Variants in XPO4 observed in about 807,000 individuals in gnomAD.
XPO4 encodes the protein exportin-4.
XPO4 carries 39 observed loss-of-function variants against 143.0 expected under a neutral mutation model. That is an observed-to-expected ratio of 0.27 (90% CI 0.21 to 0.36). The LOEUF (loss-of-function observed/expected upper bound fraction) is 0.36, where lower values mean the gene tolerates loss of function less well. Ranked by LOEUF, XPO4 falls within the 10% of genes least tolerant of loss-of-function variation. The pLI is 1.00. For missense variants in XPO4, 907 were observed against 1,348.0 expected (o/e 0.67, Z 5.12); for synonymous variants, 439 against 474.0 (o/e 0.93, Z 0.96).
chr13:20,787,196 T>TAA, intron 21 of XPO4, 139 bp from the exon 22 acceptor site: 1 of 787,198 alleles, frequency 1.3e-6, no homozygotes, highest in Non-Finnish European at 2.0e-6. Context: ...CTTAATGTTT[T>TAA]AAAAAAAATA....
chr13:20,848,103 A>G, intron 4 of XPO4: 1 of 418,594 alleles, frequency 2.4e-6, no homozygotes, highest in South Asian at 1.0e-4. Context: ...AGCTTTTCTC[A>G]ATCATCCTTT....
At chr13:20,851,723 AAAAAAAAG>A (rs1345613524) in intron 4 of XPO4, 38 of 942,926 alleles carry the variant, frequency 4.0e-5, no homozygotes, top group East Asian at 1.2e-4. Context: ...AAAAAAAAAA[AAAAAAAAG>A]AAAGAAAGAA....
At position 20,787,474 on chromosome 13, in the gene XPO4, A is replaced by G; in HGVS notation, c.3165+7T>C. On this transcript the variant is annotated splice_region_variant and intron_variant, in intron 21 of 22. Transcript: ENST00000255305. The stretch of plus-strand genomic sequence containing the variant: ...TGATTTTCTGACCTACCGCACAGAC[A>G]TCTTACCTTAAGAAAGTGCCGTGTT... 6.2e-7 allele frequency: 1 copy of G among 1,613,620 alleles called. No homozygotes were observed. The highest frequency in any genetic ancestry group is 1.1e-5 in the South Asian group (1 of 91,080).
intron 20 of XPO4, among the ~76,000 whole-genome samples, chr13:20,788,254 A>C (rs987128124): frequency 3.9e-5 from 6 of 151,974 alleles, no homozygotes; most frequent in Non-Finnish European, 8.8e-5. Context: ...ACAGGGTTTC[A>C]CTGTGTTGGC....
chr13:20,808,520 G>A lies in XPO4; in HGVS notation c.1555C>T (p.Leu519Phe). ...ACAGTGCTTGAACCCGGTGAAGCAA[G>A]TAACTGTTGCTGATGTCGTTGTAAC... ...GQLQRHQQQL[L>F]ASPGSSTVDN... Residue 519 changes from leucine to phenylalanine, a missense_variant, in exon 12 of 23, where the codon CTT (leucine) becomes TTT (phenylalanine). Leu to Phe is a conservative substitution (Grantham distance 22, BLOSUM62 0). Coordinates refer to ENST00000255305, the MANE Select transcript of XPO4 (RefSeq NM_022459.5). The A allele has an allele frequency of 1.3e-6, 2 of 1,577,022 alleles. No homozygotes were observed. The highest frequency in any genetic ancestry group is 1.2e-5 in the South Asian group (1 of 86,432).
chr13:20,890,277 T>C (rs556625626), intron 1 of XPO4, among the ~76,000 whole-genome samples: 20 of 151,286 alleles, frequency 1.3e-4, no homozygotes, highest in Admixed American at 9.9e-4. Flanking sequence ...CAGACAAACC[T>C]TGTCTCTACA....
chr13:20,862,366 A>G (rs1394792866), intron 3 of XPO4, among the ~76,000 whole-genome samples: 1 of 152,242 alleles, frequency 6.6e-6, no homozygotes, highest in African/African-American at 2.4e-5. Flanking sequence ...TAGTACCAAA[A>G]GCTTAAATAA....
rs1451683335 is a variant in XPO4 at position 20,809,943 on chromosome 13, T to C, written c.1198A>G (p.Met400Val). The C allele has an allele frequency of 4.3e-6, 7 of 1,610,220 alleles. No individual in the cohort carries two copies. Among genetic ancestry groups the C allele is most frequent in the Non-Finnish European group, 1.7e-6 (2 of 1,178,706 alleles). ...EVLDKDDMVY[M>V]EAYDKLLESW... ...TCCAACAATTTATCATATGCTTCCATGTATACCATGTCATCTTTATCAAGC... is the reference window on the plus strand; with the variant it reads ...TCCAACAATTTATCATATGCTTCCACGTATACCATGTCATCTTTATCAAGC... The change falls in exon 10 of 23, where the codon ATG becomes GTG. Residue 400 changes from methionine to valine, a missense_variant. Met to Val is a conservative substitution (Grantham distance 21). Transcript: ENST00000255305.
chr13:20,799,392 C>A, intron 15 of XPO4, 53 bp from the exon 16 acceptor site: 1 of 1,428,916 alleles, frequency 7.0e-7, no homozygotes, highest in South Asian at 1.4e-5. Flanking sequence ...TATACATACA[C>A]ACATACACAT....
chr13:20,793,235 A>G (rs1177147241), intron 18 of XPO4, among the ~76,000 whole-genome samples: 1 of 152,142 alleles, frequency 6.6e-6, no homozygotes, highest in East Asian at 1.9e-4. Flanking sequence ...TGTGCCAAAG[A>G]TGTTTCCTTA....
Position 20,809,856 on chromosome 13 carries a change from C to T in XPO4, c.1285G>A (p.Ala429Thr). 1 of 1,613,850 alleles carries T rather than the reference C, an allele frequency of 6.2e-7. No homozygotes were observed. The highest frequency in any genetic ancestry group is 8.5e-7 in the Non-Finnish European group (1 of 1,179,878). ...HFHKGFFTQH[A>T]VQVFNSYIQC... ...ATATAGGAATTGAAAACTTGAACTG[C>T]ATGTTGGGTAAAAAAGCCTTTATGG... The change falls in exon 10 of 23, where the codon GCA becomes ACA. Residue 429 changes from alanine (A) to threonine (T), a missense_variant. Transcript: ENST00000255305.
chr13:20,876,982 G>A (rs1352375928), intron 1 of XPO4, among the ~76,000 whole-genome samples: 1 of 152,150 alleles, frequency 6.6e-6, no homozygotes, highest in Non-Finnish European at 1.5e-5. Context: ...CCATTTTACA[G>A]AGTGCTGATT....
chr13:20,900,969 G>C (rs755927578), intron 1 of XPO4, among the ~76,000 whole-genome samples: 1 of 152,066 alleles, frequency 6.6e-6, no homozygotes, highest in Non-Finnish European at 1.5e-5. Flanking sequence ...CCTCTGAAAA[G>C]ATAAAAAGCA....
At chr13:20,900,299 G>A (rs1022012714) in intron 1 of XPO4, among the ~76,000 whole-genome samples, 4 of 151,960 alleles carry the variant, frequency 2.6e-5, no homozygotes, top group African/African-American at 9.7e-5. Context: ...CAGGAGAATC[G>A]CTTGAACCCG....
intron 9 of XPO4, among the ~76,000 whole-genome samples, chr13:20,818,480 AG>A (rs1413396096): frequency 6.6e-6 from 1 of 152,254 alleles, no homozygotes; most frequent in African/African-American, 2.4e-5. Context: ...CTATTAAAAA[AG>A]ATGATAATCT....
At chr13:20,797,773 G>C (rs1412367370) in intron 16 of XPO4, among the ~76,000 whole-genome samples, 1 of 152,092 alleles carries the variant, frequency 6.6e-6, no homozygotes, top group East Asian at 1.9e-4. Context: ...TAAATAATGT[G>C]CCCATGGTTG....
intron 1 of XPO4, among the ~76,000 whole-genome samples, chr13:20,876,264 G>GGA (rs1555342144): frequency 1.2e-5 from 1 of 81,930 alleles, no homozygotes; most frequent in South Asian, 3.7e-4. Context: ...CTCCATCTCG[G>GGA]AAAAAAAAAA....
At chr13:20,826,928 T>C in intron 7 of XPO4, 139 bp downstream of exon 7, 1 of 584,356 alleles carries the variant, frequency 1.7e-6, no homozygotes, top group Non-Finnish European at 3.1e-6. Context: ...TAAAATAATT[T>C]CTGTTTAAGC....
intron 20 of XPO4, 57 bp from the exon 21 acceptor site, chr13:20,787,655 A>T: frequency 1.4e-6 from 2 of 1,467,314 alleles, no homozygotes; most frequent in Non-Finnish European, 1.9e-6. Context: ...TATAAAAGAT[A>T]AAAAAATTAT....
Sources: gnomAD v4.1 joint callset for allele counts (sites outside exome capture counted in the v4.1 genomes callset) on GRCh38, gnomAD v4.1.1 for gene constraint, MANE v1.5 for transcripts, NCBI Gene and HGNC (gene_info 2026-07-23, HGNC 2026-07-21) for gene names.